The following KSR2 variants were observed in gnomAD, a reference collection of about 807,000 sequenced individuals.
KSR2 encodes the protein kinase suppressor of ras 2.
Under a neutral mutation model 107.8 loss-of-function variants are expected in KSR2, and 25 were observed. The observed-to-expected ratio is 0.23, with a 90% CI of 0.17 to 0.32. The LOEUF (loss-of-function observed/expected upper bound fraction) is 0.32, where lower values mean the gene tolerates loss of function less well. Among genes scored for constraint, KSR2 ranks in the 10% least tolerant of loss-of-function variants. The pLI, the probability that KSR2 is intolerant of heterozygous loss-of-function variation, is 1.00. For missense variants in KSR2, 887 were observed against 1,268.9 expected, an observed-to-expected ratio of 0.70 and a Z score of 4.57; for synonymous variants, 480 against 507.0, an observed-to-expected ratio of 0.95 and a Z score of 0.71.
intron 4 of KSR2, among the ~76,000 whole-genome samples, chr12:117,744,991 C>G (rs577084052): frequency 6.6e-5 from 10 of 152,216 alleles, no homozygotes; most frequent in South Asian, 2.1e-4. Flanking sequence ...TTAACTCCCC[C>G]CAACAAAACT....
intron 1 of KSR2, among the ~76,000 whole-genome samples, chr12:117,906,722 A>G (rs1464502107): frequency 6.6e-6 from 1 of 152,076 alleles, no homozygotes; most frequent in Non-Finnish European, 1.5e-5. Flanking sequence ...GTGTTCAGTG[A>G]GCATCAAATC....
chr12:117,808,305 C>G (rs994619721), intron 3 of KSR2, among the ~76,000 whole-genome samples: 2 of 152,186 alleles, frequency 1.3e-5, no homozygotes, highest in African/African-American at 4.8e-5. Flanking sequence ...CCAGGTGACT[C>G]TGATGCACAG....
intron 5 of KSR2, among the ~76,000 whole-genome samples, chr12:117,610,358 A>G (rs1255896656): frequency 6.6e-6 from 1 of 152,174 alleles, no homozygotes; most frequent in East Asian, 1.9e-4. Context: ...ATGCCCCCAA[A>G]TCAGAAAACA....
chr12:117,875,541 T>C (rs766590125), intron 1 of KSR2, among the ~76,000 whole-genome samples: 5 of 151,960 alleles, frequency 3.3e-5, no homozygotes, highest in Non-Finnish European at 5.9e-5. Flanking sequence ...GGGCTGGCCT[T>C]ATGGTCACAC....
chr12:117,927,786 A>G (rs1895575736), intron 1 of KSR2, among the ~76,000 whole-genome samples: 1 of 152,228 alleles, frequency 6.6e-6, no homozygotes, highest in East Asian at 1.9e-4. Context: ...CTCGTATAAA[A>G]TTAGCATCTA....
intron 5 of KSR2, among the ~76,000 whole-genome samples, chr12:117,608,209 C>G (rs1881399860): frequency 6.6e-6 from 1 of 152,206 alleles, no homozygotes. Flanking sequence ...TCTCAAGTGT[C>G]TAATGGTGTC....
chr12:117,947,066 G>A (rs1452461642), intron 1 of KSR2, among the ~76,000 whole-genome samples: 1 of 151,758 alleles, frequency 6.6e-6, no homozygotes, highest in Non-Finnish European at 1.5e-5. Flanking sequence ...CTACTCGGAG[G>A]CTGAGGCAAG....
chr12:117,898,950 G>A (rs1894598371), intron 1 of KSR2, among the ~76,000 whole-genome samples: 1 of 152,144 alleles, frequency 6.6e-6, no homozygotes, highest in African/African-American at 2.4e-5. Flanking sequence ...TGGAGGCAGG[G>A]AGCAGGGCCC....
intron 1 of KSR2, among the ~76,000 whole-genome samples, chr12:117,874,775 G>T (rs1893776105): frequency 6.6e-6 from 1 of 151,754 alleles, no homozygotes; most frequent in Non-Finnish European, 1.5e-5. Context: ...TATTTAGGTC[G>T]ACCTCAATTC....
At chr12:117,774,502 G>C (rs901172116) in intron 3 of KSR2, among the ~76,000 whole-genome samples, 5 of 152,132 alleles carry the variant, frequency 3.3e-5, no homozygotes, top group Admixed American at 2.6e-4. Flanking sequence ...CTGGGAGATG[G>C]GACAGGGCAG....
At chr12:117,726,133 A>G (rs965741295) in intron 4 of KSR2, among the ~76,000 whole-genome samples, 3 of 152,100 alleles carry the variant, frequency 2.0e-5, no homozygotes, top group African/African-American at 7.2e-5. Context: ...GCATCACTGC[A>G]CTCCAGCCTG....
At chr12:117,699,339 C>A (rs1473377863) in intron 4 of KSR2, among the ~76,000 whole-genome samples, 1 of 152,210 alleles carries the variant, frequency 6.6e-6, no homozygotes. Flanking sequence ...ATTCTCCCAG[C>A]AGCCCAATAA....
intron 3 of KSR2, among the ~76,000 whole-genome samples, chr12:117,822,370 C>G (rs1330010462): frequency 6.6e-6 from 1 of 152,122 alleles, no homozygotes; most frequent in Non-Finnish European, 1.5e-5. Context: ...GACCCAGACC[C>G]CTTTCCTGTA....
intron 3 of KSR2, among the ~76,000 whole-genome samples, chr12:117,837,211 G>A (rs979144044): frequency 2.0e-5 from 3 of 152,122 alleles, no homozygotes; most frequent in East Asian, 1.9e-4. Flanking sequence ...GAGAAAGCTC[G>A]GTCTGTGAAA....
intron 16 of KSR2, among the ~76,000 whole-genome samples, chr12:117,476,831 C>T (rs1871814271): frequency 1.3e-5 from 2 of 152,194 alleles, no homozygotes; most frequent in East Asian, 1.9e-4. Flanking sequence ...GAGGCACCCA[C>T]CTTCTTGCCC....
chr12:117,939,736 C>T (rs1039074814), intron 1 of KSR2, among the ~76,000 whole-genome samples: 15 of 146,888 alleles, frequency 1.0e-4, no homozygotes, highest in Admixed American at 3.4e-4. Flanking sequence ...AAACAAAAAA[C>T]GATGTGAAAC....
intron 9 of KSR2, among the ~76,000 whole-genome samples, chr12:117,549,242 T>A (rs1877103694): frequency 6.6e-6 from 1 of 152,184 alleles, no homozygotes; most frequent in Non-Finnish European, 1.5e-5. Context: ...TTTATGACTA[T>A]GATATAGAAA....
At chr12:117,485,269 A>C (rs1008884909) in intron 15 of KSR2, among the ~76,000 whole-genome samples, 2 of 152,200 alleles carry the variant, frequency 1.3e-5, no homozygotes, top group Admixed American at 1.3e-4. Flanking sequence ...ATGGAAATTC[A>C]AGGACTCGAA....
intron 1 of KSR2, among the ~76,000 whole-genome samples, chr12:117,869,720 G>C (rs1368133326): frequency 6.6e-6 from 1 of 152,166 alleles, no homozygotes; most frequent in Admixed American, 6.5e-5. Flanking sequence ...TCTTCTGCAT[G>C]AAGGATTCCT....
Sources: allele counts gnomAD v4.1 joint callset (sites outside exome capture counted in the v4.1 genomes callset), GRCh38; gene constraint gnomAD v4.1.1; transcripts MANE v1.5; gene names NCBI Gene and HGNC (gene_info 2026-07-23, HGNC 2026-07-21).